Variants in ITGB3BP observed in about 807,000 individuals in gnomAD.
ITGB3BP encodes the protein integrin subunit beta 3 binding protein.
ITGB3BP carries 27 observed loss-of-function variants against 29.1 expected under a neutral mutation model. The ratio of observed to expected loss-of-function variants is 0.93; its 90% confidence interval spans 0.68 to 1.28. The LOEUF is 1.28. Ranked by LOEUF, ITGB3BP falls within the 50% of genes most tolerant of loss-of-function variation. The probability of loss-of-function intolerance (pLI) is 0.00; values close to 1 mark genes in which losing one functional copy is unlikely to be tolerated. For missense variants in ITGB3BP, 192 were observed against 200.2 expected (o/e 0.96, Z 0.25); for synonymous variants, 61 against 61.4 (o/e 0.99, Z 0.03).
intron 2 of ITGB3BP, among the ~76,000 whole-genome samples, chr1:63,497,106 T>G (rs1195201070): frequency 6.6e-6 from 1 of 152,182 alleles, no homozygotes; most frequent in African/African-American, 2.4e-5. Flanking sequence ...TACCCATCTG[T>G]GTTGCCCAGG....
chr1:63,480,470 G>A (rs141975604), intron 3 of ITGB3BP, among the ~76,000 whole-genome samples: 217 of 152,124 alleles, frequency 1.4e-3, no homozygotes, highest in African/African-American at 5.0e-3. Context: ...TAAATATACT[G>A]GCTTTTGATG....
At chr1:63,477,253 G>A (rs1413175800) in intron 4 of ITGB3BP, among the ~76,000 whole-genome samples, 2 of 152,140 alleles carry the variant, frequency 1.3e-5, no homozygotes, top group African/African-American at 4.8e-5. Flanking sequence ...ATATAGTTCA[G>A]CTATATTATG....
intron 2 of ITGB3BP, among the ~76,000 whole-genome samples, chr1:63,497,110 G>T (rs1645805396): frequency 6.6e-6 from 1 of 152,090 alleles, no homozygotes; most frequent in Non-Finnish European, 1.5e-5. Flanking sequence ...CATCTGTGTT[G>T]CCCAGGAATA....
chr1:63,448,655 G>GA (rs1044532415), intron 7 of ITGB3BP, among the ~76,000 whole-genome samples: 7 of 151,558 alleles, frequency 4.6e-5, no homozygotes, highest in East Asian at 3.9e-4. Context: ...TAAAAAATGG[G>GA]AAAAAAAAGT....
Position 63,496,419 on chromosome 1 carries a change from T to C in ITGB3BP, c.49-6201A>G, listed in dbSNP as rs370214412. On this transcript the variant is annotated intron_variant, in intron 2 of 8. Coordinates refer to ENST00000271002, the MANE Select transcript of ITGB3BP (RefSeq NM_014288.5). Reference sequence around the variant, plus strand: ...TATAATTTGCTCCTTTGAACAACTGTACCTTGGTTCTTACTTTCTCCAGCA... The same window carrying C: ...TATAATTTGCTCCTTTGAACAACTGCACCTTGGTTCTTACTTTCTCCAGCA... Among the ~76,000 whole-genome samples the C allele has an allele frequency of 3.9e-5, 6 of 152,280 alleles. No homozygotes were observed. In the South Asian group the frequency reaches 1.0e-3, roughly 26 times the overall value.
At position 63,454,650 on chromosome 1, in the gene ITGB3BP, C is replaced by A. The variant is rs551510866; in HGVS notation, c.334-177G>T. 9.9e-5 allele frequency among the ~76,000 whole-genome samples: 15 copies of A among 151,574 alleles called. No individual in the cohort carries two copies. Among genetic ancestry groups the A allele is most frequent in the African/African-American group, 3.4e-4 (14 of 41,348 alleles). ...AAGCCCAAAAATGCCTGAAAAAAAA[C>A]AATTTATAATTAACTAAAAAGACTA... On this transcript the variant is annotated intron_variant, in intron 5 of 8. Coordinates refer to ENST00000271002, the MANE Select transcript of ITGB3BP (RefSeq NM_014288.5). This position sits in a 1 kb window ranked among gnomAD's most constrained non-coding sequence, Gnocchi z 4.1.
chr1:63,447,569 G>C, intron 7 of ITGB3BP: 1 of 493,864 alleles, frequency 2.0e-6, no homozygotes, highest in Non-Finnish European at 4.0e-6. Flanking sequence ...CTTTACCTAG[G>C]AGAGCTGGGG....
At chr1:63,516,998 T>TA (rs1396082137) in intron 1 of ITGB3BP, among the ~76,000 whole-genome samples, 15 of 150,870 alleles carry the variant, frequency 9.9e-5, no homozygotes, top group Admixed American at 3.3e-4. Context: ...CTATAAAAAA[T>TA]AAAAACAAAT....
intron 7 of ITGB3BP, chr1:63,449,680 G>A (rs900382989): frequency 6.5e-6 from 1 of 154,414 alleles, no homozygotes; most frequent in African/African-American, 2.4e-5. Flanking sequence ...GTATATTTGT[G>A]CTATCAAAAT....
At chr1:63,451,400 C>T (rs907653902) in intron 7 of ITGB3BP, among the ~76,000 whole-genome samples, 1 of 151,640 alleles carries the variant, frequency 6.6e-6, no homozygotes, top group African/African-American at 2.4e-5. Flanking sequence ...TTAAACAATT[C>T]TGTGTAATAG....
At chr1:63,516,277 A>G (rs944254591) in intron 1 of ITGB3BP, among the ~76,000 whole-genome samples, 4 of 126,300 alleles carry the variant, frequency 3.2e-5, no homozygotes, top group Non-Finnish European at 6.5e-5. Flanking sequence ...AGCCTGGGTG[A>G]CAGAGCAAGA....
intron 4 of ITGB3BP, among the ~76,000 whole-genome samples, chr1:63,478,474 G>A (rs1645380375): frequency 6.6e-6 from 1 of 152,200 alleles, no homozygotes; most frequent in South Asian, 2.1e-4. Context: ...CTCCATCCAT[G>A]TAAATCTGAA....
chr1:63,490,097 T>C lies in ITGB3BP; in HGVS notation c.170A>G (p.Asn57Ser). The change falls in exon 3 of 9, where the codon AAT becomes AGT. Residue 57 changes from asparagine to serine, a missense_variant. Physicochemically the swap from Asn to Ser is conservative, Grantham distance 46. Transcript: ENST00000271002. The part of the protein sequence containing the change: ...PTSSEEQKHR[N>S]GLSNEKRKKL... ...GTTCAACTAACCATTTGATAGTCCA[T>C]TTCTGTGCTTTTGCTCTTCAGAACT... 1.9e-6 allele frequency: 3 copies of C among 1,611,154 alleles called. No individual in the cohort carries two copies. Among genetic ancestry groups the C allele is most frequent in the Non-Finnish European group, 2.5e-6 (3 of 1,178,606 alleles).
intron 4 of ITGB3BP, among the ~76,000 whole-genome samples, chr1:63,469,779 GTGT>G (rs1379859390): frequency 6.6e-6 from 1 of 152,224 alleles, no homozygotes. Flanking sequence ...AAAATTGCTG[GTGT>G]TGTTCAAGAC....
At chr1:63,448,512 A>C (rs1644820327) in intron 7 of ITGB3BP, among the ~76,000 whole-genome samples, 1 of 151,982 alleles carries the variant, frequency 6.6e-6, no homozygotes, top group African/African-American at 2.4e-5. Context: ...AATAATTACC[A>C]AGTCCTGCTT....
intron 1 of ITGB3BP, 142 bp from the exon 2 acceptor site, chr1:63,508,712 T>C (rs1646133404): frequency 4.2e-6 from 2 of 479,516 alleles, no homozygotes; most frequent in Non-Finnish European, 7.6e-6. Context: ...GAATACCATA[T>C]GAAGAAAGCA....
At chr1:63,452,735 A>G (rs897857360) in intron 7 of ITGB3BP, among the ~76,000 whole-genome samples, 1 of 152,012 alleles carries the variant, frequency 6.6e-6, no homozygotes, top group African/African-American at 2.4e-5. Context: ...GTTCAACTGA[A>G]AAGCTCAGGA....
At chr1:63,450,744 CT>C (rs1425448815) in intron 7 of ITGB3BP, among the ~76,000 whole-genome samples, 5 of 151,828 alleles carry the variant, frequency 3.3e-5, no homozygotes, top group Admixed American at 6.6e-5. Context: ...CAAAATTAGG[CT>C]TATTTCCTAA....
At chr1:63,449,232 TAC>T (rs1312417577) in intron 7 of ITGB3BP, 3 of 152,650 alleles carry the variant, frequency 2.0e-5, no homozygotes, top group East Asian at 3.9e-4. Flanking sequence ...TCAGAATTAT[TAC>T]AGTCTTTCTT....
Sources: allele counts gnomAD v4.1 joint callset (sites outside exome capture counted in the v4.1 genomes callset), GRCh38; gene constraint gnomAD v4.1.1; non-coding constraint Gnocchi (gnomAD v3.1); transcripts MANE v1.5; gene names NCBI Gene and HGNC (gene_info 2026-07-23, HGNC 2026-07-21).